The following TAFA2 variants were observed in gnomAD, a reference collection of about 807,000 sequenced individuals.
The protein encoded by TAFA2 is TAFA chemokine like family member 2.
A neutral mutation model predicts 18.8 loss-of-function variants in TAFA2; 7 were observed. That is an observed-to-expected ratio of 0.37 (90% CI 0.21 to 0.70). The LOEUF (loss-of-function observed/expected upper bound fraction) is 0.70, where lower values mean the gene tolerates loss of function less well. TAFA2 is among the 30% of genes least tolerant of loss of function. The probability of loss-of-function intolerance (pLI) is 0.53; values close to 1 mark genes in which losing one functional copy is unlikely to be tolerated. For synonymous variants in TAFA2, 60 were observed against 54.2 expected, an observed-to-expected ratio of 1.11 and a Z score of -0.47; for missense variants, 122 against 158.1, an observed-to-expected ratio of 0.77 and a Z score of 1.23.
intron 1 of TAFA2, among the ~76,000 whole-genome samples, chr12:61,927,743 C>A (rs1315985515): frequency 2.0e-5 from 3 of 152,162 alleles, no homozygotes; most frequent in Non-Finnish European, 4.4e-5. Flanking sequence ...AGGCATCATG[C>A]CACTTGACTT....
chr12:61,936,897 T>C (rs1230332632), intron 1 of TAFA2, among the ~76,000 whole-genome samples: 1 of 152,112 alleles, frequency 6.6e-6, no homozygotes, highest in Non-Finnish European at 1.5e-5. Flanking sequence ...ACCAATGATA[T>C]AACCATATAC....
At chr12:62,240,625 C>T (rs891872092) in intron 1 of TAFA2, among the ~76,000 whole-genome samples, 2 of 152,020 alleles carry the variant, frequency 1.3e-5, no homozygotes, top group African/African-American at 4.8e-5. Flanking sequence ...TGAATAGATT[C>T]CATTCAATTA....
chr12:61,996,408 T>C (rs1471698420), intron 1 of TAFA2, among the ~76,000 whole-genome samples: 1 of 152,202 alleles, frequency 6.6e-6, no homozygotes, highest in African/African-American at 2.4e-5. Flanking sequence ...CTCAGCTTTC[T>C]ACCAGGGGCT....
intron 1 of TAFA2, among the ~76,000 whole-genome samples, chr12:62,168,754 T>C (rs979848429): frequency 2.0e-5 from 3 of 152,094 alleles, no homozygotes; most frequent in Non-Finnish European, 2.9e-5. Flanking sequence ...GGAGGATCAC[T>C]TGAGCACAGG....
At chr12:61,721,045 C>A in intron 4 of TAFA2, 2 of 432,156 alleles carry the variant, frequency 4.6e-6, no homozygotes, top group Admixed American at 2.7e-5. Context: ...ATGTCCTTTA[C>A]CTCCAAAAAA....
intron 1 of TAFA2, among the ~76,000 whole-genome samples, chr12:62,144,613 C>A (rs1382643720): frequency 6.6e-6 from 1 of 152,202 alleles, no homozygotes; most frequent in African/African-American, 2.4e-5. Context: ...GGAATTGTTA[C>A]ATTTCTTTTT....
At chr12:61,899,866 T>C (rs577300612) in intron 1 of TAFA2, among the ~76,000 whole-genome samples, 1 of 152,356 alleles carries the variant, frequency 6.6e-6, no homozygotes, top group South Asian at 2.1e-4. Flanking sequence ...TTATAAGTGA[T>C]CTAGAGATGA....
intron 2 of TAFA2, among the ~76,000 whole-genome samples, chr12:61,854,314 A>T (rs1386610020): frequency 2.0e-5 from 3 of 152,182 alleles, no homozygotes; most frequent in African/African-American, 7.2e-5. Flanking sequence ...CCCCCAAAAA[A>T]TTATAGCAGA....
At chr12:62,193,617 T>C (rs1411706492), upstream of TAFA2, among the ~76,000 whole-genome samples, 3 of 152,348 alleles carry the variant, frequency 2.0e-5, no homozygotes, top group South Asian at 6.2e-4. Context: ...TTAATTATGT[T>C]GAGGTGGTCA....
intron 1 of TAFA2, among the ~76,000 whole-genome samples, chr12:62,187,525 A>G (rs1156834193): frequency 2.0e-5 from 3 of 152,214 alleles, no homozygotes; most frequent in Non-Finnish European, 2.9e-5. Flanking sequence ...ATGTGCATAT[A>G]TGTATAGATA....
At chr12:62,077,732 C>A (rs1868260432) in intron 1 of TAFA2, among the ~76,000 whole-genome samples, 1 of 152,168 alleles carries the variant, frequency 6.6e-6, no homozygotes, top group Admixed American at 6.5e-5. Flanking sequence ...CCCCAGAGTT[C>A]TTTTCTTATT....
At chr12:61,859,300 T>C (rs1290387799) in intron 2 of TAFA2, among the ~76,000 whole-genome samples, 1 of 152,154 alleles carries the variant, frequency 6.6e-6, no homozygotes, top group Non-Finnish European at 1.5e-5. Flanking sequence ...CAGAAAAGCA[T>C]GCGGGAAACC....
intron 1 of TAFA2, among the ~76,000 whole-genome samples, chr12:61,982,893 A>T (rs1219264819): frequency 6.7e-6 from 1 of 149,944 alleles, no homozygotes; most frequent in East Asian, 2.0e-4. Context: ...AAAAAAAAAA[A>T]AGTTACTTTT....
chr12:61,881,995 C>T (rs151335017), intron 1 of TAFA2, among the ~76,000 whole-genome samples: 40 of 151,840 alleles, frequency 2.6e-4, no homozygotes, highest in African/African-American at 9.2e-4. Flanking sequence ...TCTTATTTAC[C>T]CACATTGAAA....
upstream of TAFA2, among the ~76,000 whole-genome samples, chr12:62,195,765 A>C (rs2062646225): frequency 6.6e-6 from 1 of 152,210 alleles, no homozygotes; most frequent in African/African-American, 2.4e-5. Flanking sequence ...CAAGCAGAGT[A>C]GATTTATTAT....
intron 2 of TAFA2, among the ~76,000 whole-genome samples, chr12:61,763,595 C>T (rs993563300): frequency 4.0e-5 from 6 of 151,754 alleles, no homozygotes; most frequent in Admixed American, 1.3e-4. Context: ...AAAAGAGGTA[C>T]GAGACCACTG....
intron 2 of TAFA2, among the ~76,000 whole-genome samples, chr12:61,864,379 C>T (rs1874255545): frequency 6.8e-6 from 1 of 147,568 alleles, no homozygotes; most frequent in Non-Finnish European, 1.5e-5. Flanking sequence ...CCTATATATA[C>T]CATATAGAAA....
intron 1 of TAFA2, among the ~76,000 whole-genome samples, chr12:62,180,893 T>C (rs1213094815): frequency 1.3e-5 from 2 of 152,128 alleles, no homozygotes; most frequent in Admixed American, 1.3e-4. Context: ...AATGAATGAG[T>C]CAAGTTACTG....
At chr12:61,824,012 G>A (rs1359691179) in intron 2 of TAFA2, among the ~76,000 whole-genome samples, 2 of 152,086 alleles carry the variant, frequency 1.3e-5, no homozygotes, top group Admixed American at 6.5e-5. Flanking sequence ...AAAAGTGACA[G>A]GATGTCACTT....
Sources: allele counts gnomAD v4.1 joint callset (sites outside exome capture counted in the v4.1 genomes callset), GRCh38; gene constraint gnomAD v4.1.1; transcripts MANE v1.5; gene names NCBI Gene and HGNC (gene_info 2026-07-23, HGNC 2026-07-21).